RASGRP3: variants seen among roughly 807,000 people sequenced by gnomAD.
RASGRP3 encodes ras guanyl-releasing protein 3.
A neutral mutation model predicts 82.7 loss-of-function variants in RASGRP3; 54 were observed. The ratio of observed to expected loss-of-function variants is 0.65; its 90% CI spans 0.52 to 0.82. The LOEUF (loss-of-function observed/expected upper bound fraction) is 0.82, where lower values mean the gene tolerates loss of function less well. RASGRP3 is among the 40% of genes least tolerant of loss of function. The probability of loss-of-function intolerance (pLI) is 0.00; values close to 1 mark genes in which losing one functional copy is unlikely to be tolerated. For missense variants in RASGRP3, 861 were observed against 828.9 expected (o/e 1.04, Z -0.48); for synonymous variants, 309 against 300.5 (o/e 1.03, Z -0.29).
intron 2 of RASGRP3, among the ~76,000 whole-genome samples, chr2:33,463,545 A>G (rs1160976270): frequency 1.4e-5 from 2 of 146,320 alleles, no homozygotes; most frequent in African/African-American, 5.0e-5. Context: ...TGGGGTGTAG[A>G]GGCCTCCAGC....
At chr2:33,509,236 T>C (rs546673035) in intron 1 of RASGRP3, among the ~76,000 whole-genome samples, 5 of 152,120 alleles carry the variant, frequency 3.3e-5, no homozygotes, top group Non-Finnish European at 5.9e-5. Context: ...TGTCCGTTTC[T>C]ACTAAAAATA....
intron 1 of RASGRP3, among the ~76,000 whole-genome samples, chr2:33,488,008 A>G (rs907155815): frequency 2.0e-5 from 3 of 152,234 alleles, no homozygotes; most frequent in African/African-American, 7.2e-5. Context: ...CAGAATTTAT[A>G]TTTCACACAA....
At chr2:33,492,029 G>T (rs964416444) in intron 1 of RASGRP3, among the ~76,000 whole-genome samples, 13 of 152,228 alleles carry the variant, frequency 8.5e-5, no homozygotes, top group African/African-American at 2.4e-4. Context: ...CCTGTTTTCA[G>T]AATTGAATGT....
intron 13 of RASGRP3, among the ~76,000 whole-genome samples, chr2:33,545,434 T>G (rs2151082240): frequency 6.6e-6 from 1 of 152,356 alleles, no homozygotes; most frequent in South Asian, 2.1e-4. Context: ...AATAGGTGTC[T>G]TTACTGTGTG....
rs753473160 is a variant in RASGRP3, at chr2:33,524,475, T to C, written c.734T>C (p.Val245Ala). Residue 245 changes from valine (V) to alanine (A), a missense_variant, in exon 9 of 18, where the codon GTG (valine) becomes GCG (alanine). Val to Ala is a moderately conservative substitution (Grantham distance 64). Coordinates refer to ENST00000403687, the MANE Select transcript of RASGRP3 (RefSeq NM_001139488.2). ...LKNFNTLMAVVGGLSHSSISR... is the reference protein window; with the variant it reads ...LKNFNTLMAVAGGLSHSSISR... ...AATTTTAACACCCTGATGGCAGTGG[T>C]GGGAGGCCTCAGTCATAGTTCCATT... 7.5e-6 allele frequency: 12 copies of C among 1,606,200 alleles called. No homozygotes were observed. The highest frequency in any genetic ancestry group is 1.0e-5 in the Non-Finnish European group (12 of 1,176,172).
chr2:33,479,171 C>T lies in RASGRP3; in HGVS notation c.-261+2464C>T, dbSNP rs150511455. Among the ~76,000 whole-genome samples the T allele has an allele frequency of 1.4e-4, 21 of 152,324 alleles. 1 individual carries two copies. Among genetic ancestry groups the T allele is most frequent in the Non-Finnish European group, 2.5e-4 (17 of 68,020 alleles). On this transcript the variant is annotated intron_variant, in intron 1 of 17. Coordinates refer to ENST00000403687, the MANE Select transcript of RASGRP3 (RefSeq NM_001139488.2). The stretch of plus-strand genomic sequence containing the variant: ...CACACAATGTGTGTTATGCCCTTTT[C>T]GAGCTCTCCATGACAGGAAGGGCTA...
intron 9 of RASGRP3, among the ~76,000 whole-genome samples, chr2:33,525,280 T>C (rs1672429349): frequency 6.6e-6 from 1 of 151,690 alleles, no homozygotes; most frequent in African/African-American, 2.4e-5. Context: ...CATCAGAAGA[T>C]AGAAAGGGGA....
chr2:33,474,158 C>T (rs745961040), upstream of RASGRP3, among the ~76,000 whole-genome samples: 76 of 152,170 alleles, frequency 5.0e-4, no homozygotes, highest in Non-Finnish European at 6.6e-4. Context: ...GGGACTCCTG[C>T]TTTACACTTA....
chr2:33,506,865 G>T (rs1670427098), intron 1 of RASGRP3, among the ~76,000 whole-genome samples: 1 of 152,116 alleles, frequency 6.6e-6, no homozygotes, highest in Non-Finnish European at 1.5e-5. Flanking sequence ...AATGAACTTT[G>T]CCATAAGCAC....
chr2:33,517,154 T>G (rs1375571233), intron 4 of RASGRP3, among the ~76,000 whole-genome samples: 6 of 152,234 alleles, frequency 3.9e-5, no homozygotes, highest in African/African-American at 1.4e-4. Flanking sequence ...TGACTGATAC[T>G]AATTTTAGAT....
chr2:33,520,034 T>C lies in RASGRP3; in HGVS notation c.236+20T>C. ...CATGAGGTAAATATATTTACAAATTTAATTTCTTGTAGTTTCTGGTTCTGG... is the reference window on the plus strand; with the variant it reads ...CATGAGGTAAATATATTTACAAATTCAATTTCTTGTAGTTTCTGGTTCTGG... On this transcript the variant is annotated intron_variant, in intron 5 of 17. Coordinates refer to ENST00000403687, the MANE Select transcript of RASGRP3 (RefSeq NM_001139488.2). 1 of 1,549,060 alleles carries C rather than the reference T, an allele frequency of 6.5e-7. No homozygotes were observed.
chr2:33,516,662 G>A lies in RASGRP3; in HGVS notation c.173+18G>A, dbSNP rs1231409995. 1 of 1,451,476 alleles carries A rather than the reference G, an allele frequency of 6.9e-7. No individual in the cohort carries two copies. Among genetic ancestry groups the A allele is most frequent in the Non-Finnish European group, 9.5e-7 (1 of 1,051,266 alleles). 89.9% of individuals were successfully genotyped at this position (1,451,476 alleles called of 1,614,324 possible). ...CTCTGCATATATCTTTTCAACTACT[G>A]TGTAATTTTTACAATCATAAATCAA... On this transcript the variant is annotated intron_variant, in intron 4 of 17. Transcript: ENST00000403687.
chr2:33,512,952 A>G (rs770302788), intron 2 of RASGRP3, among the ~76,000 whole-genome samples: 1 of 152,214 alleles, frequency 6.6e-6, no homozygotes, highest in Non-Finnish European at 1.5e-5. Flanking sequence ...ATGAAGAAAA[A>G]TAAATCCAGG....
At chr2:33,530,789 C>A (rs190208879) in intron 10 of RASGRP3, 1 of 152,320 alleles carries the variant, frequency 6.6e-6, no homozygotes, top group East Asian at 1.9e-4. Flanking sequence ...CCCTTGAATA[C>A]GGCACCAGGC....
chr2:33,557,648 T>G (rs1676143860), intron 15 of RASGRP3, among the ~76,000 whole-genome samples: 3 of 150,894 alleles, frequency 2.0e-5, no homozygotes, highest in African/African-American at 7.3e-5. Flanking sequence ...AGGCGGAGCT[T>G]GCAGTGAGCC....
intron 1 of RASGRP3, among the ~76,000 whole-genome samples, chr2:33,496,784 G>T (rs1414698402): frequency 1.3e-5 from 2 of 152,188 alleles, no homozygotes; most frequent in Non-Finnish European, 2.9e-5. Context: ...TTGAATCCAG[G>T]AGGCAGAGGT....
chr2:33,521,899 T>G, intron 6 of RASGRP3, 56 bp from the exon 7 acceptor site: 1 of 1,556,220 alleles, frequency 6.4e-7, no homozygotes. Flanking sequence ...GTTAATAACT[T>G]CCATTGAGTG....
chr2:33,468,006 TTC>T (rs1206361107), intron 2 of RASGRP3, among the ~76,000 whole-genome samples: 2 of 127,226 alleles, frequency 1.6e-5, no homozygotes, highest in African/African-American at 1.0e-4. Context: ...CTTTCTTTCT[TTC>T]TTTCTTTCTT....
At position 33,523,995 on chromosome 2, in the gene RASGRP3, C is replaced by A; in HGVS notation, c.633C>A (p.Ser211Arg). The A allele has an allele frequency of 6.2e-7, 1 of 1,613,870 alleles. No homozygotes were observed. Among genetic ancestry groups the A allele is most frequent in the South Asian group, 1.1e-5 (1 of 91,066 alleles). The change falls in exon 8 of 18, where the codon AGC (serine) becomes AGA (arginine). Residue 211 changes from serine to arginine, a missense_variant. Ser to Arg is a moderately radical substitution (Grantham distance 110, BLOSUM62 -1). Coordinates refer to ENST00000403687, the MANE Select transcript of RASGRP3 (RefSeq NM_001139488.2). Reference sequence around the variant, plus strand: ...AGTGGGTCCAGTTGATGGTTCTTAGCAAACCAACCCCCCAGCAAAGGGCAG... The same window carrying A: ...AGTGGGTCCAGTTGATGGTTCTTAGAAAACCAACCCCCCAGCAAAGGGCAG... The part of the protein sequence containing the change: ...ISKWVQLMVL[S>R]KPTPQQRAEV...
Sources: gnomAD v4.1 joint callset for allele counts (sites outside exome capture counted in the v4.1 genomes callset) on GRCh38, gnomAD v4.1.1 for gene constraint, MANE v1.5 for transcripts, NCBI Gene and HGNC (gene_info 2026-07-23, HGNC 2026-07-21) for gene names.